MITD1: variants seen among roughly 807,000 people sequenced by gnomAD.
MITD1 encodes the protein microtubule interacting and trafficking domain containing 1.
A neutral mutation model predicts 34.9 loss-of-function variants in MITD1; 24 were observed. The ratio of observed to expected loss-of-function variants is 0.69; its 90% CI spans 0.50 to 0.97. The LOEUF (loss-of-function observed/expected upper bound fraction) is 0.97. Ranked by LOEUF, MITD1 falls within the 50% of genes least tolerant of loss-of-function variation. MITD1 has a pLI of 0.00. For missense variants in MITD1, 266 were observed against 294.6 expected, an observed-to-expected ratio of 0.90 and a Z score of 0.71; for synonymous variants, 102 against 101.4, an observed-to-expected ratio of 1.01 and a Z score of -0.04.
chr2:99,175,362 A>G (rs2093881364), intron 1 of MITD1, among the ~76,000 whole-genome samples: 2 of 152,164 alleles, frequency 1.3e-5, no homozygotes, highest in Admixed American at 1.3e-4. Flanking sequence ...TGTCCTTGAC[A>G]TTTAGGAATA....
chr2:99,161,645 C>G (rs2105197665), downstream of MITD1: 1 of 197,576 alleles, frequency 5.1e-6, no homozygotes, highest in East Asian at 1.3e-4. Flanking sequence ...TGAGACCAGC[C>G]TGGGCAACAT....
chr2:99,171,883 G>A (rs1312849240), intron 2 of MITD1: 2 of 442,634 alleles, frequency 4.5e-6, no homozygotes, highest in Non-Finnish European at 8.0e-6. Flanking sequence ...CTAGGCAAGG[G>A]GGAAAATCTA....
At position 99,176,854 on chromosome 2, in the gene MITD1, C is replaced by T. The variant is rs559803310; in HGVS notation, c.152-2838G>A. ...TGAAATACCCTTTTCCAAGGAGCCT[C>T]GGTCACTTTTATTGAAGAATGGCAT... On this transcript the variant is annotated intron_variant, in intron 1 of 6. Transcript: ENST00000289359. 5.3e-5 allele frequency among the ~76,000 whole-genome samples: 8 copies of T among 152,218 alleles called. No homozygotes were observed. The South Asian group carries it at 1.5e-3, about 28-fold the overall frequency.
intron 1 of MITD1, among the ~76,000 whole-genome samples, chr2:99,178,085 T>G (rs1279666736): frequency 6.6e-6 from 1 of 152,264 alleles, no homozygotes; most frequent in Non-Finnish European, 1.5e-5. Flanking sequence ...TTTATTCATC[T>G]GCTGATAGAC....
At chr2:99,164,559 A>G (rs569642520), downstream of MITD1, among the ~76,000 whole-genome samples, 25 of 152,314 alleles carry the variant, frequency 1.6e-4, 1 homozygote, top group South Asian at 5.2e-3. Flanking sequence ...ATTTTTAGGA[A>G]GAGCAGGCAT....
At chr2:99,163,824 ATT>A (rs1372508701) in intron 7 of MITD1, among the ~76,000 whole-genome samples, 1 of 151,868 alleles carries the variant, frequency 6.6e-6, no homozygotes. Flanking sequence ...TTTTAGTTAT[ATT>A]TTCTTATCTT....
intron 7 of MITD1, among the ~76,000 whole-genome samples, chr2:99,163,753 C>A (rs756368999): frequency 6.6e-6 from 1 of 152,136 alleles, no homozygotes; most frequent in South Asian, 2.1e-4. Context: ...TCTTATCTCT[C>A]GGAGATATAA....
intron 1 of MITD1, among the ~76,000 whole-genome samples, chr2:99,180,429 AAATT>A (rs1194759380): frequency 3.9e-5 from 6 of 152,202 alleles, no homozygotes; most frequent in Non-Finnish European, 5.9e-5. Flanking sequence ...GCATCTCTAA[AAATT>A]AAGGAAAGTT....
At chr2:99,166,752 C>T (rs1305933586), downstream of MITD1, among the ~76,000 whole-genome samples, 2 of 150,404 alleles carry the variant, frequency 1.3e-5, no homozygotes, top group African/African-American at 4.9e-5. Context: ...TTTAACTTAG[C>T]TTATGTTTCC....
Position 99,162,503 on chromosome 2 carries a change from T to C in MITD1, c.*4-285A>G, listed in dbSNP as rs1428366203. The C allele has an allele frequency of 6.2e-7, 1 of 1,614,152 alleles. No individual in the cohort carries two copies. Among genetic ancestry groups the C allele is most frequent in the Admixed American group, 1.7e-5 (1 of 60,018 alleles). On this transcript the variant is annotated intron_variant, in intron 7 of 7. Coordinates refer to the MITD1 transcript ENST00000422537. ...CCTATCACCATTGCACTTTATTATG[T>C]AGTACTGATGGGACGTTCTTGTCTT...
downstream of MITD1, among the ~76,000 whole-genome samples, chr2:99,167,859 T>TA (rs780156429): frequency 4.7e-4 from 72 of 151,812 alleles, no homozygotes; most frequent in Non-Finnish European, 6.9e-4. Context: ...TGAAAAGATT[T>TA]AAAAAAAAAT....
intron 1 of MITD1, among the ~76,000 whole-genome samples, chr2:99,179,354 T>C (rs2093903028): frequency 6.6e-6 from 1 of 152,104 alleles, no homozygotes; most frequent in Non-Finnish European, 1.5e-5. Context: ...TGGCAGAACT[T>C]GAAAGCGAAC....
At chr2:99,170,383 T>C (rs949816277) in intron 5 of MITD1, among the ~76,000 whole-genome samples, 154 bp downstream of exon 5, 3 of 152,020 alleles carry the variant, frequency 2.0e-5, no homozygotes, top group Admixed American at 1.3e-4. Flanking sequence ...GTGTTTTTTT[T>C]CTTCTCAAAA....
downstream of MITD1, among the ~76,000 whole-genome samples, chr2:99,166,240 G>A (rs761598370): frequency 6.6e-6 from 1 of 151,646 alleles, no homozygotes; most frequent in Non-Finnish European, 1.5e-5. Flanking sequence ...GGAGAACTTC[G>A]GTATTTAAAA....
At chr2:99,173,540 A>C in intron 2 of MITD1, 2 of 466,164 alleles carry the variant, frequency 4.3e-6, no homozygotes, top group South Asian at 3.1e-5. Flanking sequence ...GGGAAATATA[A>C]ATAAAATACA....
At chr2:99,168,134 TTTTA>T (rs879408733), downstream of MITD1, among the ~76,000 whole-genome samples, 73 of 152,232 alleles carry the variant, frequency 4.8e-4, no homozygotes, top group East Asian at 3.9e-4. Flanking sequence ...AGCTGGGTTT[TTTTA>T]TTTGTTTCTT....
chr2:99,172,818 G>C (rs921801763), intron 2 of MITD1: 1 of 151,608 alleles, frequency 6.6e-6, no homozygotes, highest in Non-Finnish European at 1.5e-5. Flanking sequence ...AGCAGGCAGA[G>C]GTTGCAGTAA....
chr2:99,166,545 G>C (rs1029100673), downstream of MITD1, among the ~76,000 whole-genome samples: 1 of 147,814 alleles, frequency 6.8e-6, no homozygotes, highest in African/African-American at 2.5e-5. Flanking sequence ...CATGAAGAAT[G>C]AAAAAATAGG....
chr2:99,177,500 T>G (rs2093894641), intron 1 of MITD1, among the ~76,000 whole-genome samples: 1 of 152,224 alleles, frequency 6.6e-6, no homozygotes, highest in African/African-American at 2.4e-5. Context: ...CATTGTGTAA[T>G]GATCAAATCA....
Sources: gnomAD v4.1 joint callset for allele counts (sites outside exome capture counted in the v4.1 genomes callset) on GRCh38, gnomAD v4.1.1 for gene constraint, MANE v1.5 for transcripts, NCBI Gene and HGNC (gene_info 2026-07-23, HGNC 2026-07-21) for gene names.